The following ZHX2 variants were observed in gnomAD, a reference collection of about 807,000 sequenced individuals.
ZHX2 encodes the protein zinc fingers and homeoboxes 2.
A neutral mutation model predicts 21.9 loss-of-function variants in ZHX2; 6 were observed. The ratio of observed to expected loss-of-function variants is 0.27; its 90% CI spans 0.15 to 0.54. The LOEUF is 0.54. Among genes scored for constraint, ZHX2 ranks in the 20% least tolerant of loss-of-function variants. The pLI, the probability that ZHX2 is intolerant of heterozygous loss-of-function variation, is 0.95. For missense variants in ZHX2, 908 were observed against 1,090.7 expected (o/e 0.83, Z 2.36); for synonymous variants, 434 against 437.1 (o/e 0.99, Z 0.09).
At chr8:122,817,453 T>G (rs1472181429) in intron 1 of ZHX2, among the ~76,000 whole-genome samples, 2 of 152,082 alleles carry the variant, frequency 1.3e-5, no homozygotes, top group African/African-American at 4.8e-5. Context: ...TGCAACCAGA[T>G]GTTATGCTCT....
At chr8:122,835,102 A>G (rs1201879282) in intron 1 of ZHX2, among the ~76,000 whole-genome samples, 2 of 152,208 alleles carry the variant, frequency 1.3e-5, no homozygotes. Context: ...TCAGTTCATA[A>G]GACTGGGTGA....
At chr8:122,806,609 G>T (rs1361856745) in intron 1 of ZHX2, among the ~76,000 whole-genome samples, 1 of 152,174 alleles carries the variant, frequency 6.6e-6, no homozygotes, top group Non-Finnish European at 1.5e-5. Context: ...ACAACGGAAA[G>T]GGAAGCACCG....
intron 1 of ZHX2, among the ~76,000 whole-genome samples, chr8:122,830,449 A>G (rs746481916): frequency 6.6e-6 from 1 of 152,208 alleles, no homozygotes; most frequent in Admixed American, 6.5e-5. Flanking sequence ...ATTCCTGTCT[A>G]TTTGGTTATA....
chr8:122,821,209 A>C (rs1661571037), intron 1 of ZHX2, among the ~76,000 whole-genome samples: 1 of 151,894 alleles, frequency 6.6e-6, no homozygotes. Context: ...TCTGCTGGCA[A>C]CTCCTGGGAA....
intron 3 of ZHX2, among the ~76,000 whole-genome samples, chr8:122,966,000 A>G (rs1813577509): frequency 6.6e-6 from 1 of 152,164 alleles, no homozygotes; most frequent in African/African-American, 2.4e-5. Flanking sequence ...ATTTGCATGG[A>G]ATATCTTTTT....
At chr8:122,892,044 T>C (rs893544347) in intron 2 of ZHX2, among the ~76,000 whole-genome samples, 3 of 152,196 alleles carry the variant, frequency 2.0e-5, no homozygotes, top group Non-Finnish European at 4.4e-5. Context: ...TATTATTATA[T>C]TGGGGTCTCT....
At chr8:122,911,662 A>G (rs1820484304) in intron 2 of ZHX2, among the ~76,000 whole-genome samples, 1 of 152,202 alleles carries the variant, frequency 6.6e-6, no homozygotes, top group Admixed American at 6.5e-5. Flanking sequence ...GCAGTGTACA[A>G]GAAGGACCGA....
chr8:122,954,093 GT>G (rs1401722509), intron 3 of ZHX2, 65 bp downstream of exon 3: 2 of 1,414,850 alleles, frequency 1.4e-6, no homozygotes. Flanking sequence ...CGTTGCCAGG[GT>G]TAATATAGAT....
chr8:122,838,248 G>A (rs1047041066), intron 1 of ZHX2, among the ~76,000 whole-genome samples: 13 of 152,336 alleles, frequency 8.5e-5, no homozygotes, highest in African/African-American at 2.4e-4. Context: ...ATCAAGGAAC[G>A]TTTAAAAATG....
intron 1 of ZHX2, among the ~76,000 whole-genome samples, chr8:122,797,928 G>A (rs10505426): frequency 0.043 from 6,612 of 152,214 alleles, 464 homozygotes; most frequent in African/African-American, 0.15. Context: ...GTGCCAGGCC[G>A]ATTCTCAGAA....
intron 3 of ZHX2, among the ~76,000 whole-genome samples, chr8:122,955,083 T>TG (rs1813264207): frequency 1.6e-5 from 1 of 61,938 alleles, no homozygotes; most frequent in Non-Finnish European, 3.0e-5. Context: ...GGGGGGGGGG[T>TG]GGCAGGGCGG....
intron 2 of ZHX2, among the ~76,000 whole-genome samples, chr8:122,947,092 CAAA>C (rs57090731): frequency 4.6e-4 from 31 of 67,310 alleles, no homozygotes; most frequent in Middle Eastern, 7.2e-3. Flanking sequence ...CCTGTCTTTG[CAAA>C]AAAAAAAAAA....
At chr8:122,937,553 G>T (rs1021817835) in intron 2 of ZHX2, among the ~76,000 whole-genome samples, 8 of 151,134 alleles carry the variant, frequency 5.3e-5, no homozygotes, top group Non-Finnish European at 1.2e-4. Flanking sequence ...AGTAGACCTT[G>T]TTCTCCAAGT....
At chr8:122,837,041 C>T (rs1310552716) in intron 1 of ZHX2, among the ~76,000 whole-genome samples, 1 of 152,178 alleles carries the variant, frequency 6.6e-6, no homozygotes, top group Middle Eastern at 3.2e-3. Context: ...TGGTCATCCT[C>T]ACTGCTACAC....
At chr8:122,948,545 AG>A (rs762493928) in intron 2 of ZHX2, among the ~76,000 whole-genome samples, 9 of 152,238 alleles carry the variant, frequency 5.9e-5, no homozygotes, top group Non-Finnish European at 1.2e-4. Context: ...GAAAAGAAAG[AG>A]TAATGAGGAG....
intron 1 of ZHX2, among the ~76,000 whole-genome samples, chr8:122,784,799 A>C (rs182854283): frequency 6.6e-6 from 1 of 152,344 alleles, no homozygotes; most frequent in African/African-American, 2.4e-5. Context: ...AGGAGGCACA[A>C]GCCCAGGTAA....
chr8:122,928,070 A>G (rs1820900254), intron 2 of ZHX2, among the ~76,000 whole-genome samples: 1 of 152,092 alleles, frequency 6.6e-6, no homozygotes, highest in Admixed American at 6.6e-5. Context: ...CGCTTGCACT[A>G]TCAGTACTTC....
chr8:122,929,361 T>G (rs576115657), intron 2 of ZHX2, among the ~76,000 whole-genome samples: 1 of 152,274 alleles, frequency 6.6e-6, no homozygotes, highest in African/African-American at 2.4e-5. Context: ...GGTCATTACA[T>G]CTTGGAACAT....
intron 1 of ZHX2, among the ~76,000 whole-genome samples, chr8:122,794,100 G>A (rs1219823546): frequency 1.3e-5 from 2 of 152,176 alleles, no homozygotes; most frequent in Non-Finnish European, 2.9e-5. Context: ...TGCCACCTGA[G>A]CACCTGAGTA....
Sources: gnomAD v4.1 joint callset for allele counts (sites outside exome capture counted in the v4.1 genomes callset) on GRCh38, gnomAD v4.1.1 for gene constraint, MANE v1.5 for transcripts, NCBI Gene and HGNC (gene_info 2026-07-23, HGNC 2026-07-21) for gene names.